The following MKLN1 variants were observed in gnomAD, a reference collection of about 807,000 sequenced individuals.
The protein encoded by MKLN1 is muskelin 1.
In MKLN1, 18 loss-of-function variants were observed where a neutral mutation model predicts 99.0. The observed-to-expected ratio is 0.18, with a 90% CI of 0.13 to 0.27. The LOEUF is 0.27. Among genes scored for constraint, MKLN1 ranks in the 10% least tolerant of loss-of-function variants. The probability of loss-of-function intolerance (pLI) is 1.00; values close to 1 mark genes in which losing one functional copy is unlikely to be tolerated. For synonymous variants in MKLN1, 288 were observed against 293.2 expected (o/e 0.98, Z 0.18); for missense variants, 621 against 875.9 (o/e 0.71, Z 3.67).
intron 1 of MKLN1, among the ~76,000 whole-genome samples, chr7:131,137,783 C>A (rs186321224): frequency 2.1e-3 from 313 of 152,188 alleles, no homozygotes; most frequent in African/African-American, 7.3e-3. Context: ...CCATGTTGGC[C>A]AGGCTGGTCT....
At chr7:131,212,100 G>T (rs2116433808) in intron 3 of MKLN1, among the ~76,000 whole-genome samples, 1 of 152,366 alleles carries the variant, frequency 6.6e-6, no homozygotes, top group South Asian at 2.1e-4. Flanking sequence ...TCACTACAAA[G>T]AATGGCTGTC....
At chr7:131,418,236 G>A (rs1314564135) in intron 8 of MKLN1, among the ~76,000 whole-genome samples, 1 of 152,094 alleles carries the variant, frequency 6.6e-6, no homozygotes, top group African/African-American at 2.4e-5. Flanking sequence ...GGGCATGGTG[G>A]CAGGTGCCTG....
chr7:131,354,203 A>G (rs900726391), intron 1 of MKLN1, among the ~76,000 whole-genome samples: 2 of 152,144 alleles, frequency 1.3e-5, no homozygotes, highest in Non-Finnish European at 2.9e-5. Context: ...TTAAATTTGT[A>G]GGTCATTTTG....
rs1209054344 is a variant in MKLN1 at position 131,443,475 on chromosome 7, T to C, written c.1174-6T>C. On this transcript the variant is annotated splice_polypyrimidine_tract_variant and splice_region_variant and intron_variant, in intron 10 of 17. Coordinates refer to ENST00000352689, the MANE Select transcript of MKLN1 (RefSeq NM_013255.5). ...AACTATTCAATCTGTTGCCTTGTTC[T>C]GATAGATGTGTATGGACTCAGAAAA... 1.9e-6 allele frequency: 3 copies of C among 1,596,322 alleles called. No homozygotes were observed. The highest frequency in any genetic ancestry group is 4.5e-5 in the East Asian group (2 of 44,794).
At chr7:131,480,589 A>G (rs368836063) in intron 17 of MKLN1, among the ~76,000 whole-genome samples, 1 of 152,224 alleles carries the variant, frequency 6.6e-6, no homozygotes, top group Admixed American at 6.5e-5. Flanking sequence ...ACGTGACTCC[A>G]GAAGGTTCTC....
At chr7:131,329,200 A>G (rs1798993001) in intron 1 of MKLN1, among the ~76,000 whole-genome samples, 3 of 152,348 alleles carry the variant, frequency 2.0e-5, no homozygotes, top group Non-Finnish European at 2.9e-5. Context: ...GGTTATATCA[A>G]TGAAGAATCT....
chr7:131,434,058 G>A (rs907491972), intron 9 of MKLN1, among the ~76,000 whole-genome samples: 3 of 151,960 alleles, frequency 2.0e-5, no homozygotes, highest in Non-Finnish European at 4.4e-5. Flanking sequence ...GCTAATTTTT[G>A]TATTTTTAGT....
chr7:131,456,549 A>G (rs149708544), intron 12 of MKLN1, among the ~76,000 whole-genome samples: 2 of 152,314 alleles, frequency 1.3e-5, no homozygotes, highest in Non-Finnish European at 2.9e-5. Flanking sequence ...GGCAAACATT[A>G]TGTCAGTGCA....
Position 131,320,599 on chromosome 7 carries a change from A to G in MKLN1, c.-178-54825A>G, listed in dbSNP as rs1798756979. 2.6e-5 allele frequency among the ~76,000 whole-genome samples: 4 copies of G among 152,212 alleles called. No homozygotes were observed. In the South Asian group the frequency reaches 8.3e-4, roughly 31 times the overall value. On this transcript the variant is annotated intron_variant, in intron 3 of 7. Coordinates refer to the MKLN1 transcript ENST00000416992. ...CAAATGGGATCTAATTAAACTAAAG[A>G]GTTTCTGCACAGCAAAAGAAACTAT...
At chr7:131,126,602 G>A (rs1199903714) in intron 1 of MKLN1, among the ~76,000 whole-genome samples, 1 of 152,138 alleles carries the variant, frequency 6.6e-6, no homozygotes, top group Non-Finnish European at 1.5e-5. Flanking sequence ...CACCCAGGCT[G>A]GAGTGCAGTG....
rs571510482 is a variant in MKLN1, at chr7:131,399,959, G to A, written c.703+526G>A. Among the ~76,000 whole-genome samples, 590 of 152,162 alleles carry A rather than the reference G, an allele frequency of 3.9e-3. 7 individuals are homozygous for A. The highest frequency in any genetic ancestry group is 0.02 in the Middle Eastern group (6 of 294). On this transcript the variant is annotated intron_variant, in intron 6 of 17. Coordinates refer to ENST00000352689, the MANE Select transcript of MKLN1 (RefSeq NM_013255.5). ...TTGAACATCTGTATTATCTCCCAGG[G>A]TATTGGCTTTGGAGGGTAACACTCA...
intron 1 of MKLN1, among the ~76,000 whole-genome samples, chr7:131,371,624 G>T (rs1484985437): frequency 1.3e-5 from 2 of 151,878 alleles, no homozygotes; most frequent in African/African-American, 4.8e-5. Context: ...GCATTTAGTG[G>T]TCCATCTGCT....
At position 131,356,027 on chromosome 7, in the gene MKLN1, C is replaced by T. The variant is rs112616678; in HGVS notation, c.99-19397C>T. ...TTACTAAAATATCGAGCATGTAATA[C>T]AGAGAGTTTGTATATACCTCCCAAT... On this transcript the variant is annotated intron_variant, in intron 1 of 17. Coordinates refer to ENST00000352689, the MANE Select transcript of MKLN1 (RefSeq NM_013255.5). Among the ~76,000 whole-genome samples the T allele has an allele frequency of 3.6e-3, 534 of 149,184 alleles. 2 individuals are homozygous for T. Among genetic ancestry groups the T allele is most frequent in the African/African-American group, 0.013 (509 of 40,618 alleles).
intron 2 of MKLN1, among the ~76,000 whole-genome samples, chr7:131,201,642 T>G (rs1167727456): frequency 6.6e-6 from 1 of 152,216 alleles, no homozygotes; most frequent in Non-Finnish European, 1.5e-5. Context: ...CCTGCATTTG[T>G]TTAGGGCTTT....
chr7:131,417,872 T>A (rs571457641), intron 8 of MKLN1, among the ~76,000 whole-genome samples: 2 of 152,202 alleles, frequency 1.3e-5, no homozygotes, highest in Admixed American at 6.5e-5. Context: ...AAAATTTTTT[T>A]ATTTAAAATG....
At chr7:131,271,625 A>G (rs1433189957) in intron 3 of MKLN1, among the ~76,000 whole-genome samples, 1 of 151,288 alleles carries the variant, frequency 6.6e-6, no homozygotes, top group Non-Finnish European at 1.5e-5. Flanking sequence ...TCCTAAAAAA[A>G]AAAAAAAAAA....
At chr7:131,355,538 A>G (rs1467388813) in intron 1 of MKLN1, among the ~76,000 whole-genome samples, 6 of 150,596 alleles carry the variant, frequency 4.0e-5, no homozygotes, top group African/African-American at 1.5e-4. Context: ...ACTGTATTTT[A>G]TTGTTGTAAT....
chr7:131,222,978 G>A (rs1479289043), intron 3 of MKLN1, among the ~76,000 whole-genome samples: 1 of 152,128 alleles, frequency 6.6e-6, no homozygotes, highest in South Asian at 2.1e-4. Context: ...GGAGGTGGAG[G>A]TTGCAGAGAT....
At chr7:131,214,170 G>A (rs1796945216) in intron 3 of MKLN1, among the ~76,000 whole-genome samples, 1 of 152,134 alleles carries the variant, frequency 6.6e-6, no homozygotes, top group Non-Finnish European at 1.5e-5. Flanking sequence ...TTACAGGCAT[G>A]AGCCACTGAG....
Sources: gnomAD v4.1 joint callset for allele counts (sites outside exome capture counted in the v4.1 genomes callset) on GRCh38, gnomAD v4.1.1 for gene constraint, MANE v1.5 for transcripts, NCBI Gene and HGNC (gene_info 2026-07-23, HGNC 2026-07-21) for gene names.